The following UNC93B1 variants were observed in gnomAD, a reference collection of about 807,000 sequenced individuals.
UNC93B1 encodes the protein protein unc-93 homolog B1.
UNC93B1 carries 33 observed loss-of-function variants against 56.8 expected under a neutral mutation model. That is an observed-to-expected ratio of 0.58 (90% CI 0.44 to 0.78). The LOEUF (loss-of-function observed/expected upper bound fraction) is 0.78, where lower values mean the gene tolerates loss of function less well. UNC93B1 is among the 30% of genes least tolerant of loss of function. The pLI, the probability that UNC93B1 is intolerant of heterozygous loss-of-function variation, is 0.00. For missense variants in UNC93B1, 673 were observed against 819.5 expected (o/e 0.82, Z 2.18); for synonymous variants, 334 against 358.6 (o/e 0.93, Z 0.77).
rs911610523 is a variant in UNC93B1, at chr11:67,998,343, C to A, written c.781+16G>T. 1.2e-6 allele frequency: 2 copies of A among 1,613,770 alleles called. No individual in the cohort carries two copies. On this transcript the variant is annotated intron_variant, in intron 6 of 10. Transcript: ENST00000227471. ...AGGCTTTGTGGACTCCTCCCCAACC[C>A]CCAACAAGGACTAACCGCAGCTCTG...
In UNC93B1 at chr11:67,997,751, C is replaced by T. The variant is rs773441671; in HGVS notation, c.830G>A (p.Arg277Gln). 8 of 1,610,230 alleles carry T rather than the reference C, an allele frequency of 5.0e-6. No homozygotes were observed. In the South Asian group the frequency reaches 8.8e-5, roughly 18 times the overall value. ...ILSGFNKTVL[R>Q]TLPRSGNLIV... ...GAGGTTTCCGCTCCGCGGGAGCGTC[C>T]GCAGAACCGTCTTGTTGAAGCCGCT... The change falls in exon 7 of 11, where the codon CGG becomes CAG. Residue 277 changes from arginine (R) to glutamine (Q), a missense_variant. Arg to Gln is a conservative substitution (Grantham distance 43). Around this residue, in one of 3 missense-constraint regions of UNC93B1, gnomAD observed 438 missense variants for 465.9 expected, o/e 0.94. Coordinates refer to ENST00000227471, the MANE Select transcript of UNC93B1 (RefSeq NM_030930.4).
intron 8 of UNC93B1, among the ~76,000 whole-genome samples, chr11:67,996,362 C>T (rs969080673): frequency 6.6e-6 from 1 of 152,012 alleles, no homozygotes; most frequent in Non-Finnish European, 1.5e-5. Context: ...GGCTGTACCC[C>T]ACAAGGAACT....
At chr11:67,999,745 CGG>C in intron 3 of UNC93B1, 65 bp from the exon 4 acceptor site, 1 of 1,564,058 alleles carries the variant, frequency 6.4e-7, no homozygotes, top group Non-Finnish European at 8.7e-7. Flanking sequence ...TGAAGCCAAA[CGG>C]GGCCACAACC....
In UNC93B1 at chr11:68,003,242, G is replaced by T. The variant is rs1565127579; in HGVS notation, c.239-67C>A. 2 of 1,467,410 alleles carry T rather than the reference G, an allele frequency of 1.4e-6. No individual in the cohort carries two copies. The highest frequency in any genetic ancestry group is 1.8e-6 in the Non-Finnish European group (2 of 1,106,224). 90.9% of individuals were successfully genotyped at this position (1,467,410 alleles called of 1,614,324 possible). A position where few individuals can be genotyped will look rare whatever the true frequency, so the allele number is the denominator to read the frequency against. ...CTTTGGGCGCCACCGAGCAGAAGACGGCATGCAGGCCTCGCAGGGAGCTCC... is the reference window on the plus strand; with the variant it reads ...CTTTGGGCGCCACCGAGCAGAAGACTGCATGCAGGCCTCGCAGGGAGCTCC... On this transcript the variant is annotated intron_variant, in intron 2 of 10. Coordinates refer to ENST00000227471, the MANE Select transcript of UNC93B1 (RefSeq NM_030930.4). The surrounding 1 kb of genome is among the most constrained non-coding windows in gnomAD (Gnocchi z 4.4).
At chr11:68,000,055 C>T (rs1857021410) in intron 3 of UNC93B1, among the ~76,000 whole-genome samples, 1 of 152,212 alleles carries the variant, frequency 6.6e-6, no homozygotes. Context: ...TTGACTCAGG[C>T]TGGGAGAAGA....
rs551950493 is a variant in UNC93B1, at chr11:67,991,484, C to T, written c.*62G>A. On this transcript the variant is annotated 3_prime_UTR_variant, in exon 11 of 11. Coordinates refer to ENST00000227471, the MANE Select transcript of UNC93B1 (RefSeq NM_030930.4). Reference sequence around the variant, plus strand: ...GGGACTCGGAGGGGGTCCCCCCGACCTCAGACGTGGTAAACTGAGGCCGGC... The same window carrying T: ...GGGACTCGGAGGGGGTCCCCCCGACTTCAGACGTGGTAAACTGAGGCCGGC... 1,597 of 1,359,758 alleles carry T rather than the reference C, an allele frequency of 1.2e-3. 1 individual carries two copies. Among genetic ancestry groups the T allele is most frequent in the Non-Finnish European group, 1.4e-3 (1,457 of 1,059,456 alleles). The allele number at this position is 1,359,758 out of a possible 1,614,324, so 84.2% of individuals were successfully genotyped here.
Position 67,991,771 on chromosome 11 carries a change from G to T in UNC93B1, c.1569C>A (p.Ala523=). The T allele has an allele frequency of 1.9e-6, 3 of 1,540,322 alleles. No individual in the cohort carries two copies. The highest frequency in any genetic ancestry group is 1.7e-6 in the Non-Finnish European group (2 of 1,150,704). Reference sequence around the variant, plus strand: ...GCCGCGGGATGCGGGGCTGGCGCGGGGCCACGCCCCGGCGCAGCTTCTGCT... The same window carrying T: ...GCCGCGGGATGCGGGGCTGGCGCGGTGCCACGCCCCGGCGCAGCTTCTGCT... The part of the protein sequence containing the change: ...RMEQKLRRGV[A]PRQPRIPRPQ... The change falls in exon 11 of 11, where the codon GCC becomes GCA. Residue 523 remains alanine (A), a synonymous_variant. Coordinates refer to ENST00000227471, the MANE Select transcript of UNC93B1 (RefSeq NM_030930.4).
chr11:67,996,530 T>G, intron 8 of UNC93B1, 72 bp downstream of exon 8: 1 of 1,457,882 alleles, frequency 6.9e-7, no homozygotes, highest in Non-Finnish European at 9.1e-7. Context: ...AAATTATTCT[T>G]TGTTTACTTG....
rs1324664159 is a variant in UNC93B1, at chr11:67,991,538, G to A, written c.*8C>T. The A allele has an allele frequency of 4.2e-6, 6 of 1,413,738 alleles. 1 individual carries two copies. The highest frequency in any genetic ancestry group is 3.0e-5 in the South Asian group (2 of 66,982). The allele number at this position is 1,413,738 out of a possible 1,614,324, so 87.6% of individuals were successfully genotyped here. A position where few individuals can be genotyped will look rare whatever the true frequency, so the allele number is the denominator to read the frequency against. ...GAGGGAGGCTGAGTCCGGGGACCAG[G>A]CGGCCCCTCACTGCTCCTCCGGCCC... On this transcript the variant is annotated 3_prime_UTR_variant, in exon 11 of 11. Coordinates refer to ENST00000227471, the MANE Select transcript of UNC93B1 (RefSeq NM_030930.4).
At chr11:67,996,035 T>TG (rs1234825829) in intron 8 of UNC93B1, 151 bp from the exon 9 acceptor site, 8 of 503,086 alleles carry the variant, frequency 1.6e-5, no homozygotes, top group Middle Eastern at 5.6e-4. Flanking sequence ...CCCCGCATCG[T>TG]GGGGGGTGCC....
intron 7 of UNC93B1, 85 bp downstream of exon 7, chr11:67,997,590 T>G (rs547619552): frequency 8.6e-5 from 136 of 1,581,884 alleles, no homozygotes; most frequent in Non-Finnish European, 1.1e-4. Flanking sequence ...GGCCATGCCA[T>G]CCGATCCAGA....
At chr11:67,996,311 G>C (rs1357687883) in intron 8 of UNC93B1, among the ~76,000 whole-genome samples, 1 of 152,062 alleles carries the variant, frequency 6.6e-6, no homozygotes, top group Non-Finnish European at 1.5e-5. Flanking sequence ...AAGGTTCTGA[G>C]GGCAGGTGTG....
At chr11:68,002,927 AAC>A in intron 3 of UNC93B1, 93 bp downstream of exon 3, 1 of 1,448,922 alleles carries the variant, frequency 6.9e-7, no homozygotes, top group South Asian at 1.4e-5. Context: ...TCGCCCCACA[AAC>A]ACCCCGGCAG....
Position 68,003,578 on chromosome 11 carries a change from G to A in UNC93B1, c.238+79C>T. On this transcript the variant is annotated intron_variant, in intron 2 of 10. Coordinates refer to ENST00000227471, the MANE Select transcript of UNC93B1 (RefSeq NM_030930.4). This position sits in a 1 kb window ranked among gnomAD's most constrained non-coding sequence, Gnocchi z 4.4. ...GGAGGGGAAGTGAGAGCGGGCGGGA[G>A]GCGGCGGCCCGCGGTTTCTGTTTCC... 1.4e-6 allele frequency: 2 copies of A among 1,468,788 alleles called. No homozygotes were observed. The highest frequency in any genetic ancestry group is 9.0e-7 in the Non-Finnish European group (1 of 1,113,064). The allele number at this position is 1,468,788 out of a possible 1,614,324, so 91.0% of individuals were successfully genotyped here.
chr11:67,998,655 C>T (rs1856993253), intron 5 of UNC93B1, among the ~76,000 whole-genome samples: 2 of 152,156 alleles, frequency 1.3e-5, no homozygotes, highest in Non-Finnish European at 2.9e-5. Flanking sequence ...AGATCTCTAT[C>T]TCTATGGATG....
In UNC93B1 at chr11:67,991,747, C is replaced by T. The variant is rs1408061742; in HGVS notation, c.1593G>A (p.Arg531=). ...GVAPRQPRIP[R]PQHKVRGYRY... ...GGTAACCGCGCACCTTGTGCTGGGG[C>T]CGCGGGATGCGGGGCTGGCGCGGGG... is the stretch of plus-strand genomic sequence containing the variant. Residue 531 remains arginine, a synonymous_variant, in exon 11 of 11, where the codon CGG becomes CGA. Coordinates refer to ENST00000227471, the MANE Select transcript of UNC93B1 (RefSeq NM_030930.4). The T allele has an allele frequency of 6.5e-7, 1 of 1,539,128 alleles. No homozygotes were observed.
chr11:68,003,246 T>G lies in UNC93B1; in HGVS notation c.239-71A>C. 6.9e-7 allele frequency: 1 copy of G among 1,456,002 alleles called. No homozygotes were observed. The highest frequency in any genetic ancestry group is 1.4e-5 in the African/African-American group (1 of 69,786). The allele number at this position is 1,456,002 out of a possible 1,614,324, so 90.2% of individuals were successfully genotyped here. On this transcript the variant is annotated intron_variant, in intron 2 of 10. Transcript: ENST00000227471. The surrounding 1 kb of genome is among the most constrained non-coding windows in gnomAD (Gnocchi z 4.4). Reference sequence around the variant, plus strand: ...GGGCGCCACCGAGCAGAAGACGGCATGCAGGCCTCGCAGGGAGCTCCAATC... The same window carrying G: ...GGGCGCCACCGAGCAGAAGACGGCAGGCAGGCCTCGCAGGGAGCTCCAATC...
intron 3 of UNC93B1, 28 bp from the exon 4 acceptor site, chr11:67,999,708 C>T (rs1298508103): frequency 6.2e-7 from 1 of 1,604,182 alleles, no homozygotes; most frequent in South Asian, 1.1e-5. Flanking sequence ...GATGCTGGCA[C>T]CACAGGCCTG....
chr11:67,997,163 T>C, intron 7 of UNC93B1, among the ~76,000 whole-genome samples: 1 of 146,642 alleles, frequency 6.8e-6, no homozygotes. Context: ...TCCCCGCCCC[T>C]CGGACACACC....
Sources: allele counts gnomAD v4.1 joint callset (sites outside exome capture counted in the v4.1 genomes callset), GRCh38; gene constraint gnomAD v4.1.1; regional missense constraint gnomAD v4.1.1; non-coding constraint Gnocchi (gnomAD v3.1); transcripts MANE v1.5; gene names NCBI Gene and HGNC (gene_info 2026-07-23, HGNC 2026-07-21).